ZBTB7C: variants seen among roughly 807,000 people sequenced by gnomAD.
ZBTB7C encodes zinc finger and BTB domain-containing protein 7C.
Under a neutral mutation model 25.7 loss-of-function variants are expected in ZBTB7C, and 8 were observed. That is an observed-to-expected ratio of 0.31 (90% CI 0.18 to 0.56). The LOEUF is 0.56. ZBTB7C is among the 20% of genes least tolerant of loss of function. The probability of loss-of-function intolerance (pLI) is 0.91; values close to 1 mark genes in which losing one functional copy is unlikely to be tolerated. For missense variants in ZBTB7C, 824 were observed against 855.2 expected (o/e 0.96, Z 0.46); for synonymous variants, 394 against 369.0 (o/e 1.07, Z -0.78).
intron 2 of ZBTB7C, among the ~76,000 whole-genome samples, chr18:48,330,862 AT>A (rs1319799173): frequency 6.6e-6 from 1 of 152,152 alleles, no homozygotes; most frequent in Non-Finnish European, 1.5e-5. Flanking sequence ...GTCAGATAGC[AT>A]TGAAATCCAA....
At chr18:48,369,258 A>G (rs931324653) in intron 1 of ZBTB7C, among the ~76,000 whole-genome samples, 3 of 152,198 alleles carry the variant, frequency 2.0e-5, no homozygotes, top group Admixed American at 2.0e-4. Flanking sequence ...ACATAATGTA[A>G]TATGTAGAGT....
chr18:48,041,427 A>C (rs2036236453), intron 3 of ZBTB7C: 8 of 985,484 alleles, frequency 8.1e-6, no homozygotes, highest in Non-Finnish European at 9.6e-6. Context: ...CCACTTTGCC[A>C]ACATGCAGTT....
chr18:48,263,672 C>G (rs534411008), intron 2 of ZBTB7C, among the ~76,000 whole-genome samples: 30 of 148,642 alleles, frequency 2.0e-4, no homozygotes, highest in African/African-American at 7.5e-4. Context: ...CCTGTGGCTC[C>G]TTGGTGACAA....
chr18:48,078,004 A>C (rs2037839636), intron 3 of ZBTB7C, among the ~76,000 whole-genome samples: 1 of 152,122 alleles, frequency 6.6e-6, no homozygotes, highest in South Asian at 2.1e-4. Context: ...GCAGCCAAGC[A>C]TCTGTTGCAT....
intron 3 of ZBTB7C, among the ~76,000 whole-genome samples, chr18:48,119,664 C>T (rs28633660): frequency 1.3e-5 from 2 of 152,176 alleles, no homozygotes; most frequent in African/African-American, 4.8e-5. Context: ...ACCAGGAACT[C>T]CTGGTGGGCC....
intron 2 of ZBTB7C, among the ~76,000 whole-genome samples, chr18:48,313,943 G>A (rs1361521202): frequency 6.6e-6 from 1 of 152,188 alleles, no homozygotes; most frequent in Admixed American, 6.5e-5. Flanking sequence ...AGATCTGGTT[G>A]TTTAAGAGTC....
At chr18:48,051,643 T>G (rs1283780313) in intron 3 of ZBTB7C, among the ~76,000 whole-genome samples, 3 of 151,886 alleles carry the variant, frequency 2.0e-5, no homozygotes, top group African/African-American at 7.2e-5. Flanking sequence ...CTGAGGCCAT[T>G]GCTTTTGCTA....
intron 2 of ZBTB7C, among the ~76,000 whole-genome samples, chr18:48,295,651 CA>C (rs980086328): frequency 3.3e-5 from 5 of 152,152 alleles, no homozygotes; most frequent in African/African-American, 1.2e-4. Context: ...CAAAACTTTA[CA>C]AAGCTCATTT....
At chr18:48,069,733 A>G (rs1286993702) in intron 3 of ZBTB7C, among the ~76,000 whole-genome samples, 1 of 152,102 alleles carries the variant, frequency 6.6e-6, no homozygotes, top group East Asian at 1.9e-4. Flanking sequence ...CCACTGCAGT[A>G]TAAGCCTCCC....
intron 3 of ZBTB7C, among the ~76,000 whole-genome samples, chr18:48,070,391 C>T (rs903000484): frequency 6.6e-6 from 1 of 152,176 alleles, no homozygotes; most frequent in Admixed American, 6.5e-5. Context: ...GAAAGTCATT[C>T]AGATACTGCC....
At chr18:48,137,129 G>A in intron 3 of ZBTB7C, 1 of 985,524 alleles carries the variant, frequency 1.0e-6, no homozygotes, top group Non-Finnish European at 1.2e-6. Context: ...GCGGGAGGTT[G>A]TCATTGATTC....
At chr18:48,107,728 C>G (rs2039085101) in intron 3 of ZBTB7C, among the ~76,000 whole-genome samples, 1 of 152,104 alleles carries the variant, frequency 6.6e-6, no homozygotes, top group Non-Finnish European at 1.5e-5. Context: ...CGTACCCTTC[C>G]CCGCTGTGGG....
At position 48,294,085 on chromosome 18, in the gene ZBTB7C, G is replaced by A. The variant is rs146413671; in HGVS notation, c.-79+44089C>T. On this transcript the variant is annotated intron_variant, in intron 2 of 4. Transcript: ENST00000590800. ...ATGCGGTGTTTACCTCCCTGGGGAA[G>A]GGCAAGCAAGCTGCTGGCGTGGTTC... is the stretch of plus-strand genomic sequence containing the variant. Among the ~76,000 whole-genome samples, 113 of 152,364 alleles carry A rather than the reference G, an allele frequency of 7.4e-4. 1 individual carries two copies. The East Asian group carries it at 0.021, about 28-fold the overall frequency.
intron 2 of ZBTB7C, among the ~76,000 whole-genome samples, chr18:48,292,478 G>A (rs1379566448): frequency 6.6e-6 from 1 of 152,062 alleles, no homozygotes; most frequent in African/African-American, 2.4e-5. Context: ...CTAAAGCACT[G>A]GACCACTAAC....
chr18:48,165,124 C>G, intron 3 of ZBTB7C: 1 of 1,289,418 alleles, frequency 7.8e-7, no homozygotes, highest in South Asian at 1.2e-5. Context: ...ATTACAGGGA[C>G]ACTCACCAAC....
At chr18:48,304,840 TCAA>T (rs2045631996) in intron 2 of ZBTB7C, among the ~76,000 whole-genome samples, 1 of 29,222 alleles carries the variant, frequency 3.4e-5, no homozygotes, top group African/African-American at 1.6e-4. Context: ...AGGCTCTACC[TCAA>T]AAAAAAAAAA....
chr18:48,083,510 T>C (rs558368346), intron 3 of ZBTB7C, among the ~76,000 whole-genome samples: 1 of 151,988 alleles, frequency 6.6e-6, no homozygotes, highest in South Asian at 2.1e-4. Flanking sequence ...AAAGCATTTC[T>C]CTCCATCTAA....
intron 3 of ZBTB7C, among the ~76,000 whole-genome samples, chr18:48,106,984 T>A (rs2039052285): frequency 6.6e-6 from 1 of 151,912 alleles, no homozygotes; most frequent in African/African-American, 2.4e-5. Flanking sequence ...GAAGGTGATA[T>A]AATTGGAATG....
intron 2 of ZBTB7C, among the ~76,000 whole-genome samples, chr18:48,257,437 A>C (rs2044052572): frequency 6.6e-6 from 1 of 152,176 alleles, no homozygotes; most frequent in Admixed American, 6.5e-5. Flanking sequence ...CCATAAAGAA[A>C]ATTTTAGACT....
Sources: allele counts gnomAD v4.1 joint callset (sites outside exome capture counted in the v4.1 genomes callset), GRCh38; gene constraint gnomAD v4.1.1; transcripts MANE v1.5; gene names NCBI Gene and HGNC (gene_info 2026-07-23, HGNC 2026-07-21).